CSMD1: variants seen among roughly 807,000 people sequenced by gnomAD.
The protein encoded by CSMD1 is CUB and sushi domain-containing protein 1.
CSMD1 carries 213 observed loss-of-function variants against 417.5 expected under a neutral mutation model. That is an observed-to-expected ratio of 0.51 (90% CI 0.46 to 0.57). The LOEUF (loss-of-function observed/expected upper bound fraction) is 0.57, where lower values mean the gene tolerates loss of function less well. Ranked by LOEUF, CSMD1 falls within the 20% of genes least tolerant of loss-of-function variation. The pLI is 0.00. For synonymous variants in CSMD1, 2,862 were observed against 1,736.8 expected, an observed-to-expected ratio of 1.65 and a Z score of -16.11; for missense variants, 6,923 against 4,529.7, an observed-to-expected ratio of 1.53 and a Z score of -15.17.
At chr8:3,728,577 G>C (rs1181896043) in intron 6 of CSMD1, among the ~76,000 whole-genome samples, 2 of 152,188 alleles carry the variant, frequency 1.3e-5, no homozygotes, top group African/African-American at 2.4e-5. Context: ...TCAGTGGTGT[G>C]ACTGACTTGC....
At chr8:4,230,551 T>C (rs1801659345) in intron 3 of CSMD1, among the ~76,000 whole-genome samples, 1 of 152,198 alleles carries the variant, frequency 6.6e-6, no homozygotes, top group South Asian at 2.1e-4. Context: ...TCAATTATAT[T>C]GGACAATAAA....
intron 8 of CSMD1, among the ~76,000 whole-genome samples, chr8:3,607,425 T>C (rs1441445448): frequency 2.6e-5 from 4 of 152,214 alleles, no homozygotes; most frequent in African/African-American, 7.2e-5. Flanking sequence ...GTAGAAAGTA[T>C]ACCATTGTAA....
intron 6 of CSMD1, among the ~76,000 whole-genome samples, chr8:3,712,795 T>C (rs7008391): frequency 0.33 from 50,139 of 152,008 alleles, 8,437 homozygotes; most frequent in East Asian, 0.49. Flanking sequence ...GGTGATTCCT[T>C]AGTAATTCAG....
At chr8:4,150,388 T>A (rs373751708) in intron 3 of CSMD1, among the ~76,000 whole-genome samples, 1 of 152,184 alleles carries the variant, frequency 6.6e-6, no homozygotes, top group African/African-American at 2.4e-5. Flanking sequence ...CTGGCTACCT[T>A]TGGAAGTAAT....
At chr8:3,923,465 C>A (rs778516179) in intron 5 of CSMD1, among the ~76,000 whole-genome samples, 5 of 152,036 alleles carry the variant, frequency 3.3e-5, no homozygotes, top group Non-Finnish European at 5.9e-5. Flanking sequence ...TCTGCATTGC[C>A]ATTTATGTGG....
intron 5 of CSMD1, among the ~76,000 whole-genome samples, chr8:3,889,168 G>T (rs1026930983): frequency 9.2e-5 from 14 of 151,806 alleles, no homozygotes; most frequent in African/African-American, 3.1e-4. Flanking sequence ...ACAAAATGAA[G>T]TGTGACGATG....
chr8:4,122,823 C>T (rs1330883314), intron 3 of CSMD1, among the ~76,000 whole-genome samples: 1 of 152,172 alleles, frequency 6.6e-6, no homozygotes. Flanking sequence ...TCTCCCCCTC[C>T]CTCTGTAACA....
intron 5 of CSMD1, among the ~76,000 whole-genome samples, chr8:3,875,385 C>T (rs143153055): frequency 6.6e-6 from 1 of 152,224 alleles, no homozygotes; most frequent in East Asian, 1.9e-4. Flanking sequence ...GCGACTTCTG[C>T]GTAGACATGG....
chr8:3,921,467 G>T (rs1033063982), intron 5 of CSMD1, among the ~76,000 whole-genome samples: 1 of 151,902 alleles, frequency 6.6e-6, no homozygotes, highest in Non-Finnish European at 1.5e-5. Flanking sequence ...TCCTAGTTCA[G>T]TGAGGTGTAA....
chr8:3,274,050 C>G (rs1802079646), intron 26 of CSMD1, among the ~76,000 whole-genome samples: 1 of 151,402 alleles, frequency 6.6e-6, no homozygotes, highest in Admixed American at 6.6e-5. Flanking sequence ...TTCCTGCTTT[C>G]TCTTGTGGGC....
At chr8:4,335,337 G>C (rs554203503) in intron 3 of CSMD1, among the ~76,000 whole-genome samples, 2 of 152,090 alleles carry the variant, frequency 1.3e-5, no homozygotes, top group African/African-American at 4.8e-5. Flanking sequence ...CTTTTGTGGG[G>C]AAAGGCACAA....
At chr8:2,973,933 GTGGTAGAGGATGATGGTAGAGGATGA>G (rs1563196511) in intron 56 of CSMD1, among the ~76,000 whole-genome samples, 1 of 136,022 alleles carries the variant, frequency 7.4e-6, no homozygotes, top group African/African-American at 3.2e-5. Flanking sequence ...GTAGAGGATG[GTGGTAGAGGATGATGGTAGAGGATGA>G]TGGTAGAGGA....
At chr8:4,173,677 G>C (rs986882447) in intron 3 of CSMD1, among the ~76,000 whole-genome samples, 16 of 152,146 alleles carry the variant, frequency 1.1e-4, no homozygotes, top group Admixed American at 1.0e-3. Flanking sequence ...GATAACTGTA[G>C]TAGGAAAATT....
At chr8:3,529,002 A>C (rs1412229100) in intron 10 of CSMD1, among the ~76,000 whole-genome samples, 1 of 152,244 alleles carries the variant, frequency 6.6e-6, no homozygotes, top group Non-Finnish European at 1.5e-5. Context: ...TATTTTCAGA[A>C]GCCCAAAATA....
At chr8:4,069,827 A>C (rs114273590) in intron 3 of CSMD1, among the ~76,000 whole-genome samples, 4 of 152,348 alleles carry the variant, frequency 2.6e-5, no homozygotes, top group East Asian at 3.9e-4. Context: ...CTGAAAGAAT[A>C]TCGAAATGAA....
chr8:3,002,387 G>C (rs924900963), intron 52 of CSMD1, among the ~76,000 whole-genome samples: 2 of 152,152 alleles, frequency 1.3e-5, no homozygotes. Context: ...ACTGGTGAGA[G>C]CCAGAAGAGC....
At chr8:3,902,784 A>T (rs1202205878) in intron 5 of CSMD1, among the ~76,000 whole-genome samples, 1 of 152,124 alleles carries the variant, frequency 6.6e-6, no homozygotes, top group Non-Finnish European at 1.5e-5. Flanking sequence ...AGAGCTGTCT[A>T]CTTTGCAACA....
intron 7 of CSMD1, among the ~76,000 whole-genome samples, chr8:3,625,346 G>C (rs1156772332): frequency 6.6e-6 from 1 of 152,124 alleles, no homozygotes; most frequent in African/African-American, 2.4e-5. Context: ...GACGTGAAGA[G>C]CTTCCAACCC....
chr8:3,926,051 TATAC>T (rs142585073), intron 5 of CSMD1, among the ~76,000 whole-genome samples: 17,191 of 76,650 alleles, frequency 0.22, 1,583 homozygotes, highest in Admixed American at 0.34. Context: ...ACAAACACCA[TATAC>T]ACACACACAC....
Sources: allele counts gnomAD v4.1 joint callset (sites outside exome capture counted in the v4.1 genomes callset), GRCh38; gene constraint gnomAD v4.1.1; transcripts MANE v1.5; gene names NCBI Gene and HGNC (gene_info 2026-07-23, HGNC 2026-07-21).